SPAG16: variants seen among roughly 807,000 people sequenced by gnomAD.
SPAG16 encodes sperm associated antigen 16.
Under a neutral mutation model 80.4 loss-of-function variants are expected in SPAG16, and 86 were observed. That is an observed-to-expected ratio of 1.07 (90% CI 0.90 to 1.28). The LOEUF is 1.28. Among genes scored for constraint, SPAG16 ranks in the 50% most tolerant of loss-of-function variants. SPAG16 has a pLI of 0.00. For synonymous variants in SPAG16, 294 were observed against 265.9 expected, an observed-to-expected ratio of 1.11 and a Z score of -1.03; for missense variants, 870 against 765.3, an observed-to-expected ratio of 1.14 and a Z score of -1.61.
At chr2:213,624,310 C>A (rs950276086) in intron 10 of SPAG16, among the ~76,000 whole-genome samples, 1 of 152,128 alleles carries the variant, frequency 6.6e-6, no homozygotes, top group Non-Finnish European at 1.5e-5. Context: ...ACACATTAAT[C>A]TCCCATGTGA....
chr2:213,688,066 A>C (rs1354020308), intron 10 of SPAG16, among the ~76,000 whole-genome samples: 3 of 152,146 alleles, frequency 2.0e-5, no homozygotes, highest in South Asian at 2.1e-4. Flanking sequence ...TGAGAAATAC[A>C]TTGGTTTGGT....
chr2:214,004,435 A>G (rs945668224), intron 12 of SPAG16, among the ~76,000 whole-genome samples: 1 of 152,152 alleles, frequency 6.6e-6, no homozygotes, highest in African/African-American at 2.4e-5. Context: ...TTACATTTTA[A>G]GAGAATGGCT....
At chr2:214,185,440 C>T (rs547266733) in intron 15 of SPAG16, among the ~76,000 whole-genome samples, 25 of 151,750 alleles carry the variant, frequency 1.6e-4, no homozygotes, top group South Asian at 4.2e-4. Context: ...AAAATAAATT[C>T]GCATAAATAG....
intron 13 of SPAG16, among the ~76,000 whole-genome samples, chr2:214,105,944 C>T (rs924508624): frequency 1.3e-5 from 2 of 151,872 alleles, no homozygotes; most frequent in African/African-American, 2.4e-5. Flanking sequence ...AAATGTGGTC[C>T]GTCAGCATTT....
intron 10 of SPAG16, among the ~76,000 whole-genome samples, chr2:213,531,975 C>T (rs1031460915): frequency 2.0e-5 from 3 of 151,798 alleles, no homozygotes; most frequent in African/African-American, 7.3e-5. Context: ...TACAAACACC[C>T]AAAAAAACAC....
At chr2:213,414,378 T>C (rs1476904682) in intron 9 of SPAG16, among the ~76,000 whole-genome samples, 1 of 152,176 alleles carries the variant, frequency 6.6e-6, no homozygotes, top group Non-Finnish European at 1.5e-5. Flanking sequence ...CCTTAATTAA[T>C]TAGACATTTT....
chr2:213,842,235 A>G (rs1452037649), intron 10 of SPAG16, among the ~76,000 whole-genome samples: 1 of 152,172 alleles, frequency 6.6e-6, no homozygotes, highest in Non-Finnish European at 1.5e-5. Context: ...CAGGCAAGGA[A>G]CTAAAAACTT....
chr2:214,314,109 A>G lies in SPAG16; in HGVS notation c.1721-96031A>G, dbSNP rs376959828. Among the ~76,000 whole-genome samples, 10 of 152,262 alleles carry G rather than the reference A, an allele frequency of 6.6e-5. No homozygotes were observed. In the East Asian group the frequency reaches 7.7e-4, roughly 12 times the overall value. ...GTGACTAACATTGCATTGTTACTAC[A>G]AACTAGATGAACTGAAAATCAGCAT... is the stretch of plus-strand genomic sequence containing the variant. On this transcript the variant is annotated intron_variant, in intron 15 of 15. Coordinates refer to ENST00000331683, the MANE Select transcript of SPAG16 (RefSeq NM_024532.5).
intron 10 of SPAG16, among the ~76,000 whole-genome samples, chr2:213,663,381 A>T (rs1376570440): frequency 6.6e-6 from 1 of 152,100 alleles, no homozygotes; most frequent in South Asian, 2.1e-4. Flanking sequence ...TAAAAAAATA[A>T]ACAGTAAGCA....
intron 15 of SPAG16, among the ~76,000 whole-genome samples, chr2:214,261,835 G>A (rs1691202227): frequency 6.6e-6 from 1 of 152,110 alleles, no homozygotes; most frequent in Non-Finnish European, 1.5e-5. Context: ...TAAAGAATGT[G>A]TGATGAGAGA....
intron 13 of SPAG16, among the ~76,000 whole-genome samples, chr2:214,031,127 G>T (rs1269352347): frequency 6.6e-6 from 1 of 152,002 alleles, no homozygotes; most frequent in Non-Finnish European, 1.5e-5. Context: ...GGTTTTTGGT[G>T]TGGATGTCAG....
intron 10 of SPAG16, among the ~76,000 whole-genome samples, chr2:213,825,849 A>G (rs1307581831): frequency 6.6e-6 from 1 of 151,630 alleles, no homozygotes; most frequent in Non-Finnish European, 1.5e-5. Context: ...TCTTCTTTAA[A>G]TGTTTGGTAA....
chr2:214,158,715 T>A (rs1388160209), intron 15 of SPAG16, among the ~76,000 whole-genome samples: 2 of 151,984 alleles, frequency 1.3e-5, no homozygotes, highest in Non-Finnish European at 2.9e-5. Context: ...TTTAGCGCTC[T>A]GATACAGTTA....
chr2:213,595,026 C>A (rs2060840663), intron 10 of SPAG16, among the ~76,000 whole-genome samples: 1 of 151,468 alleles, frequency 6.6e-6, no homozygotes, highest in Non-Finnish European at 1.5e-5. Flanking sequence ...CTTCCTTGAC[C>A]TTCTGTAATT....
intron 9 of SPAG16, among the ~76,000 whole-genome samples, chr2:213,469,927 G>A (rs538315055): frequency 3.1e-4 from 47 of 152,220 alleles, no homozygotes; most frequent in African/African-American, 1.1e-3. Flanking sequence ...GTGTCTCCTG[G>A]TGGAAGCATT....
At chr2:213,666,223 C>T (rs1419148127) in intron 10 of SPAG16, among the ~76,000 whole-genome samples, 1 of 151,974 alleles carries the variant, frequency 6.6e-6, no homozygotes, top group Non-Finnish European at 1.5e-5. Context: ...TTTTTTTGAA[C>T]TAGACTGCTT....
chr2:213,305,429 G>T (rs907240152), intron 3 of SPAG16, among the ~76,000 whole-genome samples: 2 of 152,064 alleles, frequency 1.3e-5, no homozygotes, highest in Non-Finnish European at 2.9e-5. Flanking sequence ...TCCTTGTTAT[G>T]TTTCAGATCT....
chr2:213,429,673 C>T (rs901652595), intron 9 of SPAG16, among the ~76,000 whole-genome samples: 10 of 152,174 alleles, frequency 6.6e-5, no homozygotes, highest in African/African-American at 2.2e-4. Context: ...TGCTCACCCA[C>T]CTGGTACACC....
At chr2:213,626,490 A>G (rs576143693) in intron 10 of SPAG16, among the ~76,000 whole-genome samples, 4 of 152,254 alleles carry the variant, frequency 2.6e-5, no homozygotes, top group African/African-American at 7.2e-5. Flanking sequence ...AATGAAAAAT[A>G]TATATAACAT....
Sources: gnomAD v4.1 joint callset for allele counts (sites outside exome capture counted in the v4.1 genomes callset) on GRCh38, gnomAD v4.1.1 for gene constraint, MANE v1.5 for transcripts, NCBI Gene and HGNC (gene_info 2026-07-23, HGNC 2026-07-21) for gene names.